WDR88: variants seen among roughly 807,000 people sequenced by gnomAD.
The protein encoded by WDR88 is WD repeat domain 88.
Under a neutral mutation model 46.8 loss-of-function variants are expected in WDR88, and 40 were observed. That is an observed-to-expected ratio of 0.86 (90% CI 0.66 to 1.11). The LOEUF (loss-of-function observed/expected upper bound fraction) is 1.11, where lower values mean the gene tolerates loss of function less well. Ranked by LOEUF, WDR88 falls within the 50% of genes most tolerant of loss-of-function variation. The probability of loss-of-function intolerance (pLI) is 0.00; values close to 1 mark genes in which losing one functional copy is unlikely to be tolerated. For synonymous variants in WDR88, 235 were observed against 240.7 expected (o/e 0.98, Z 0.22); for missense variants, 562 against 602.4 (o/e 0.93, Z 0.70).
rs745844121 is a variant in WDR88, at chr19:33,148,852, G to A, written c.621G>A (p.Val207=). ...AATACGTGGTCTCAGGCTTCGACGT[G>A]GATCATGGAATCTGCATAATGGACG... ...DGKYVVSGFD[V]DHGICIMDAE... is the part of the protein sequence containing the mutation. The change falls in exon 5 of 11, where the codon GTG becomes GTA. Residue 207 remains valine (V), a synonymous_variant. Transcript: ENST00000355868. 1.2e-6 allele frequency: 2 copies of A among 1,614,016 alleles called. No individual in the cohort carries two copies. Among genetic ancestry groups the A allele is most frequent in the South Asian group, 2.2e-5 (2 of 91,070 alleles).
chr19:33,132,160 G>T lies in WDR88; in HGVS notation c.-10G>T. On this transcript the variant is annotated 5_prime_UTR_variant, in exon 1 of 11. Coordinates refer to ENST00000355868, the MANE Select transcript of WDR88 (RefSeq NM_173479.4). ...GCTTGTCGGCGGCCACCGGCGGACC[G>T]GGCTTCGAGATGGCCTCCCCGCCGC... 6.3e-7 allele frequency: 1 copy of T among 1,577,832 alleles called. No homozygotes were observed. The highest frequency in any genetic ancestry group is 8.6e-7 in the Non-Finnish European group (1 of 1,165,314).
At chr19:33,134,113 G>T (rs1973196572) in intron 1 of WDR88, among the ~76,000 whole-genome samples, 1 of 152,150 alleles carries the variant, frequency 6.6e-6, no homozygotes, top group African/African-American at 2.4e-5. Flanking sequence ...AGCTTTGTCA[G>T]CACCTCTGAA....
chr19:33,151,144 G>A (rs781653911), intron 5 of WDR88, 37 bp from the exon 6 acceptor site: 7 of 1,597,348 alleles, frequency 4.4e-6, no homozygotes, highest in Non-Finnish European at 6.0e-6. Context: ...GCAGGTGGAA[G>A]GCGTGGTCTC....
rs189369473 is a variant in WDR88, at chr19:33,149,014, G to A, written c.679+104G>A. The A allele has an allele frequency of 1.5e-5, 23 of 1,523,022 alleles. No individual in the cohort carries two copies. In the Admixed American group the frequency reaches 2.5e-4, roughly 17 times the overall value. 94.3% of individuals were successfully genotyped at this position (1,523,022 alleles called of 1,614,324 possible). A position where few individuals can be genotyped will look rare whatever the true frequency, so the allele number is the denominator to read the frequency against. ...TTGCTTTATTTGGTGAAACTGTAATGGTATGAAGCACGTCATTAAAGCTGG... is the reference window on the plus strand; with the variant it reads ...TTGCTTTATTTGGTGAAACTGTAATAGTATGAAGCACGTCATTAAAGCTGG... On this transcript the variant is annotated intron_variant, in intron 5 of 10. Coordinates refer to ENST00000355868, the MANE Select transcript of WDR88 (RefSeq NM_173479.4).
chr19:33,166,858 G>A (rs1451310802), intron 9 of WDR88, among the ~76,000 whole-genome samples: 1 of 152,134 alleles, frequency 6.6e-6, no homozygotes, highest in East Asian at 1.9e-4. Flanking sequence ...AGAGGCTGCA[G>A]TGAGCCACAA....
chr19:33,140,887 A>G (rs1973376100), intron 2 of WDR88, among the ~76,000 whole-genome samples: 1 of 152,050 alleles, frequency 6.6e-6, no homozygotes, highest in Admixed American at 6.6e-5. Flanking sequence ...TTTCTGTAAT[A>G]AAATCATATT....
chr19:33,141,227 G>GTTTTTTT (rs745987290), intron 2 of WDR88, among the ~76,000 whole-genome samples: 13,120 of 112,198 alleles, frequency 0.12, 2,668 homozygotes, highest in African/African-American at 0.29. Flanking sequence ...GTGGGAGCAT[G>GTTTTTTT]TTTTTTTTTT....
At chr19:33,158,067 G>T (rs367838735) in intron 7 of WDR88, among the ~76,000 whole-genome samples, 3 of 152,076 alleles carry the variant, frequency 2.0e-5, no homozygotes, top group African/African-American at 7.2e-5. Context: ...ACATAGAGGT[G>T]AATGGGGGCA....
chr19:33,153,903 A>G (rs1973684810), intron 6 of WDR88, among the ~76,000 whole-genome samples: 1 of 152,130 alleles, frequency 6.6e-6, no homozygotes, highest in African/African-American at 2.4e-5. Flanking sequence ...AGTTTTCTGA[A>G]GTGTAATTAT....
intron 1 of WDR88, among the ~76,000 whole-genome samples, 166 bp from the exon 2 acceptor site, chr19:33,137,511 C>T (rs1478234911): frequency 6.6e-6 from 1 of 152,132 alleles, no homozygotes; most frequent in Non-Finnish European, 1.5e-5. Context: ...CCTCGGCCTC[C>T]CAAAGTGCTG....
intron 5 of WDR88, among the ~76,000 whole-genome samples, chr19:33,150,326 C>T (rs1334711081): frequency 3.9e-5 from 6 of 152,102 alleles, no homozygotes; most frequent in East Asian, 1.9e-4. Context: ...GTGGCGGGCA[C>T]CTGTAATCCC....
intron 2 of WDR88, among the ~76,000 whole-genome samples, chr19:33,140,515 C>T (rs531002290): frequency 2.8e-4 from 42 of 152,230 alleles, no homozygotes; most frequent in Non-Finnish European, 5.0e-4. Flanking sequence ...GTCGGCTGGG[C>T]GCAGTGGCTC....
intron 1 of WDR88, among the ~76,000 whole-genome samples, chr19:33,133,220 GAAAGAA>G (rs1279094681): frequency 1.4e-5 from 2 of 146,912 alleles, no homozygotes; most frequent in Admixed American, 7.1e-5. Flanking sequence ...GAGAAAGAAA[GAAAGAA>G]AAAGAAAAAG....
chr19:33,154,931 C>T (rs899886815), intron 6 of WDR88, among the ~76,000 whole-genome samples: 1 of 152,136 alleles, frequency 6.6e-6, no homozygotes, highest in Admixed American at 6.6e-5. Flanking sequence ...CTGATCTGAG[C>T]TCTAGAAAAT....
intron 6 of WDR88, among the ~76,000 whole-genome samples, chr19:33,153,646 C>G (rs1304256262): frequency 6.6e-6 from 1 of 152,136 alleles, no homozygotes; most frequent in Non-Finnish European, 1.5e-5. Flanking sequence ...AGGCGCCCGC[C>G]ACCATGCCCA....
At chr19:33,160,575 A>T (rs544343187) in intron 8 of WDR88, 79 bp downstream of exon 8, 13 of 1,491,778 alleles carry the variant, frequency 8.7e-6, no homozygotes, top group Non-Finnish European at 1.2e-5. Context: ...GTTGCTGGGG[A>T]CACAGCTGTG....
At chr19:33,133,210 G>GAGAGAGAA (rs796439243) in intron 1 of WDR88, among the ~76,000 whole-genome samples, 2,814 of 147,970 alleles carry the variant, frequency 0.019, 93 homozygotes, top group African/African-American at 0.068. Context: ...GAGAGAGAGA[G>GAGAGAGAA]AGAAAGAAAG....
chr19:33,142,168 G>A lies in WDR88; in HGVS notation c.388-2676G>A, dbSNP rs112755534. 1.5e-3 allele frequency among the ~76,000 whole-genome samples: 226 copies of A among 152,096 alleles called. 3 individuals are homozygous for A. Among genetic ancestry groups the A allele is most frequent in the African/African-American group, 5.0e-3 (206 of 41,500 alleles). On this transcript the variant is annotated intron_variant, in intron 2 of 10. Coordinates refer to ENST00000355868, the MANE Select transcript of WDR88 (RefSeq NM_173479.4). Reference sequence around the variant, plus strand: ...CACCCTCTACGGAGGGACATGGAGCGCATGGTGGGAGCCACAGCTGAGGGT... The same window carrying A: ...CACCCTCTACGGAGGGACATGGAGCACATGGTGGGAGCCACAGCTGAGGGT...
intron 2 of WDR88, among the ~76,000 whole-genome samples, chr19:33,138,343 C>T (rs1037887890): frequency 8.6e-5 from 13 of 150,464 alleles, no homozygotes; most frequent in African/African-American, 2.9e-4. Flanking sequence ...TGAGCCACAG[C>T]GACTGGCCCT....
Sources: allele counts gnomAD v4.1 joint callset (sites outside exome capture counted in the v4.1 genomes callset), GRCh38; gene constraint gnomAD v4.1.1; transcripts MANE v1.5; gene names NCBI Gene and HGNC (gene_info 2026-07-23, HGNC 2026-07-21).